The following FAM53A variants were observed in gnomAD, a reference collection of about 807,000 sequenced individuals.
FAM53A encodes protein FAM53A.
FAM53A carries 28 observed loss-of-function variants against 26.6 expected under a neutral mutation model. That is an observed-to-expected ratio of 1.05 (90% CI 0.78 to 1.45). The LOEUF (loss-of-function observed/expected upper bound fraction) is 1.45, where lower values mean the gene tolerates loss of function less well. Among genes scored for constraint, FAM53A ranks in the 40% most tolerant of loss-of-function variants. The pLI is 0.00. For synonymous variants in FAM53A, 290 were observed against 253.1 expected (o/e 1.15, Z -1.38); for missense variants, 650 against 575.8 (o/e 1.13, Z -1.32).
chr4:1,621,731 C>T (rs924095378), intron 1 of FAM53A, among the ~76,000 whole-genome samples: 2 of 152,244 alleles, frequency 1.3e-5, no homozygotes, highest in African/African-American at 4.8e-5. Context: ...TCTGAGACCC[C>T]AGCCTGGGTC....
At chr4:1,629,893 G>C (rs1237387784) in intron 1 of FAM53A, among the ~76,000 whole-genome samples, 2 of 152,164 alleles carry the variant, frequency 1.3e-5, no homozygotes, top group Non-Finnish European at 2.9e-5. Flanking sequence ...GCCTCGCTGG[G>C]GACAGCCTGG....
the FAM53A span, among the ~76,000 whole-genome samples, chr4:1,604,979 C>T: frequency 1.3e-5 from 2 of 152,064 alleles, no homozygotes; most frequent in African/African-American, 2.4e-5. Context: ...ACATCTCCTG[C>T]TTGGCAGGAA....
At position 1,655,532 on chromosome 4, in the gene FAM53A, C is replaced by A; in HGVS notation, c.328G>T (p.Gly110Cys). The change falls in exon 4 of 5, where the codon GGC becomes TGC. Residue 110 changes from glycine to cysteine, a missense_variant. Gly to Cys is a radical substitution (Grantham distance 159, BLOSUM62 -3). Transcript: ENST00000308132. Reference protein sequence around the residue: ...ASTVDPSESTGSSTAPPTKRH... With the variant: ...ASTVDPSESTCSSTAPPTKRH... ...TTGGTCGGTGGGGCCGTGGACGAGC[C>A]TGTGCTTTCACTGGGGTCCACGGTG... The A allele has an allele frequency of 6.4e-7, 1 of 1,567,674 alleles. No individual in the cohort carries two copies. Among genetic ancestry groups the A allele is most frequent in the South Asian group, 1.2e-5 (1 of 86,446 alleles).
At chr4:1,604,460 G>C in the FAM53A span, among the ~76,000 whole-genome samples, 3 of 152,142 alleles carry the variant, frequency 2.0e-5, no homozygotes, top group Admixed American at 1.3e-4. Flanking sequence ...GGGGGCCTCA[G>C]TGTGCAGGGC....
intron 1 of FAM53A, among the ~76,000 whole-genome samples, chr4:1,671,088 G>A (rs112176744): frequency 1.4e-3 from 190 of 132,588 alleles, no homozygotes; most frequent in African/African-American, 5.2e-3. Context: ...GCCACGGCCC[G>A]GACTCACCTC....
At chr4:1,633,915 A>G (rs1715723368) in intron 1 of FAM53A, among the ~76,000 whole-genome samples, 1 of 152,168 alleles carries the variant, frequency 6.6e-6, no homozygotes. Flanking sequence ...GGGTCTGGCT[A>G]CAGGACCTCA....
At position 1,659,175 on chromosome 4, in the gene FAM53A, G is replaced by A. The variant is rs769618808; in HGVS notation, c.76-1707C>T. On this transcript the variant is annotated intron_variant, in intron 2 of 4. Transcript: ENST00000308132. This position sits in a 1 kb window ranked among gnomAD's most constrained non-coding sequence, Gnocchi z 5.2. ...AGCTGTGAGCACCCGGCCACACCAT[G>A]AGGACAGGGCCTGGTGCGGGCCCGG... Among the ~76,000 whole-genome samples, 10 of 152,232 alleles carry A rather than the reference G, an allele frequency of 6.6e-5. No homozygotes were observed. Among genetic ancestry groups the A allele is most frequent in the Non-Finnish European group, 8.8e-5 (6 of 68,038 alleles).
the FAM53A span, among the ~76,000 whole-genome samples, chr4:1,588,327 T>C: frequency 1.3e-5 from 2 of 152,240 alleles, no homozygotes; most frequent in Non-Finnish European, 2.9e-5. Context: ...GATTCTTCAG[T>C]GCCCTTCCCT....
At chr4:1,670,951 AG>A (rs1167186008) in intron 1 of FAM53A, among the ~76,000 whole-genome samples, 2 of 143,524 alleles carry the variant, frequency 1.4e-5, no homozygotes, top group African/African-American at 5.3e-5. Flanking sequence ...CCAGCGTCAG[AG>A]CCCCCAGCTC....
the FAM53A span, among the ~76,000 whole-genome samples, chr4:1,590,955 CATATATATATATATATATATATATAT>C: frequency 1.9e-3 from 90 of 46,306 alleles, 4 homozygotes; most frequent in Admixed American, 0.011. Context: ...TTATTTAATG[CATATATATATATATATATATATATAT>C]ATATATATAT....
chr4:1,661,483 C>T (rs1295390963), intron 2 of FAM53A, among the ~76,000 whole-genome samples: 8 of 152,210 alleles, frequency 5.3e-5, no homozygotes, highest in Non-Finnish European at 8.8e-5. Flanking sequence ...CGCCCCAACG[C>T]GCTGAATGAC....
intron 1 of FAM53A, among the ~76,000 whole-genome samples, chr4:1,632,022 G>A (rs1263039687): frequency 6.6e-6 from 1 of 152,044 alleles, no homozygotes; most frequent in Non-Finnish European, 1.5e-5. Flanking sequence ...AAATTATAGG[G>A]GTGTGGTGGC....
chr4:1,659,639 G>T lies in FAM53A; in HGVS notation c.76-2171C>A, dbSNP rs1185303344. On this transcript the variant is annotated intron_variant, in intron 2 of 4. Coordinates refer to ENST00000308132, the MANE Select transcript of FAM53A (RefSeq NM_001174070.3). The surrounding 1 kb of genome is among the most constrained non-coding windows in gnomAD (Gnocchi z 5.2). ...CAGAGCCAGGGTCCCCGGGAGACAG[G>T]AAAGGCTGGGCAGCCAGGTCCCACA... Among the ~76,000 whole-genome samples, 1 of 152,180 alleles carries T rather than the reference G, an allele frequency of 6.6e-6. No individual in the cohort carries two copies. The highest frequency in any genetic ancestry group is 1.5e-5 in the Non-Finnish European group (1 of 68,040).
chr4:1,622,544 C>T (rs1013042835), intron 1 of FAM53A, among the ~76,000 whole-genome samples: 8 of 152,240 alleles, frequency 5.3e-5, no homozygotes, highest in South Asian at 2.1e-4. Context: ...GCAGTACAGC[C>T]GGCCCTCTGT....
At chr4:1,670,675 G>A (rs1350149475) in intron 1 of FAM53A, among the ~76,000 whole-genome samples, 2 of 152,028 alleles carry the variant, frequency 1.3e-5, no homozygotes, top group African/African-American at 4.8e-5. Flanking sequence ...CTCCAAGAGG[G>A]GTGTCGTGCA....
At chr4:1,653,818 CACCT>C (rs1379812262) in intron 4 of FAM53A, among the ~76,000 whole-genome samples, 1 of 152,246 alleles carries the variant, frequency 6.6e-6, no homozygotes, top group African/African-American at 2.4e-5. Context: ...TGGGGGATCC[CACCT>C]GGCACGCCGG....
At chr4:1,666,679 C>T (rs1349458675) in intron 2 of FAM53A, among the ~76,000 whole-genome samples, 3 of 152,242 alleles carry the variant, frequency 2.0e-5, no homozygotes, top group Non-Finnish European at 4.4e-5. Flanking sequence ...GTTAGAGACA[C>T]CTTAAAAATG....
At chr4:1,649,929 G>A (rs1296410595) in intron 4 of FAM53A, among the ~76,000 whole-genome samples, 46 of 134,142 alleles carry the variant, frequency 3.4e-4, no homozygotes, top group Middle Eastern at 4.0e-3. Context: ...CACAGGCGTG[G>A]CGTTTGACTG....
chr4:1,607,858 T>C, the FAM53A span, among the ~76,000 whole-genome samples: 1 of 151,530 alleles, frequency 6.6e-6, no homozygotes, highest in Non-Finnish European at 1.5e-5. Flanking sequence ...GAGAATCACT[T>C]GAACCGAGGA....
Sources: gnomAD v4.1 joint callset for allele counts (sites outside exome capture counted in the v4.1 genomes callset) on GRCh38, gnomAD v4.1.1 for gene constraint, Gnocchi (gnomAD v3.1) non-coding constraint, MANE v1.5 for transcripts, NCBI Gene and HGNC (gene_info 2026-07-23, HGNC 2026-07-21) for gene names.